PKHD1: variants seen among roughly 807,000 people sequenced by gnomAD.
PKHD1 encodes the protein PKHD1 ciliary IPT domain containing fibrocystin/polyductin.
A neutral mutation model predicts 412.0 loss-of-function variants in PKHD1; 291 were observed. The observed-to-expected ratio is 0.71, with a 90% CI of 0.64 to 0.78. The LOEUF (loss-of-function observed/expected upper bound fraction) is 0.78. Among genes scored for constraint, PKHD1 ranks in the 30% least tolerant of loss-of-function variants. The probability of loss-of-function intolerance (pLI) is 0.00; values close to 1 mark genes in which losing one functional copy is unlikely to be tolerated. For missense variants in PKHD1, 4,825 were observed against 4,950.7 expected (o/e 0.97, Z 0.76); for synonymous variants, 1,777 against 1,821.5 (o/e 0.98, Z 0.62).
At chr6:51,800,051 G>A (rs1276991982) in intron 52 of PKHD1, among the ~76,000 whole-genome samples, 2 of 152,128 alleles carry the variant, frequency 1.3e-5, no homozygotes, top group African/African-American at 2.4e-5. Context: ...GGTGGCTGAT[G>A]GGGGAGCTGA....
Position 52,050,234 on chromosome 6 carries a change from C to CTGTAG in PKHD1, c.2201_2202insCTACA (p.Val735TyrfsTer44). On this transcript the variant is annotated frameshift_variant, in exon 22 of 67. Transcript: ENST00000371117. LOFTEE classifies it high-confidence loss of function. The stretch of plus-strand genomic sequence containing the variant: ...CACTGTAGACCGGAGGGGATCCCAC[C>CTGTAG]ACAGAGACTGATTCCACCAGATTGC... The CTGTAG allele has an allele frequency of 6.2e-7, 1 of 1,614,190 alleles. No individual in the cohort carries two copies.
intron 18 of PKHD1, among the ~76,000 whole-genome samples, chr6:52,056,036 G>A (rs1430187355): frequency 6.6e-6 from 1 of 152,118 alleles, no homozygotes; most frequent in Non-Finnish European, 1.5e-5. Context: ...TTTGTTGTAG[G>A]GGCTGTCCTG....
rs201881567 is a variant in PKHD1, at chr6:51,883,179, A to C, written c.7264T>G (p.Cys2422Gly). 562 of 1,610,856 alleles carry C rather than the reference A, an allele frequency of 3.5e-4. 2 individuals are homozygous for C. Among genetic ancestry groups the C allele is most frequent in the Non-Finnish European group, 2.8e-4 (335 of 1,177,046 alleles). Reference sequence around the variant, plus strand: ...AAGACGTCAATTCCAAAATCTCTGCATGAATAAACTTTGAAGTTTTTCAGG... The same window carrying C: ...AAGACGTCAATTCCAAAATCTCTGCCTGAATAAACTTTGAAGTTTTTCAGG... Reference protein sequence around the residue: ...LRLKNFKVYSCRDFGIDVLES... With the variant: ...LRLKNFKVYSGRDFGIDVLES... The change falls in exon 46 of 67, where the codon TGC becomes GGC. Residue 2422 changes from cysteine (C) to glycine (G), a missense_variant. Transcript: ENST00000371117.
At chr6:51,799,347 C>T (rs2151311490) in intron 52 of PKHD1, among the ~76,000 whole-genome samples, 1 of 151,870 alleles carries the variant, frequency 6.6e-6, no homozygotes, top group East Asian at 1.9e-4. Context: ...TTTCCTTTCC[C>T]ATAATGTGAC....
At chr6:51,819,424 T>G (rs1404836417) in intron 52 of PKHD1, among the ~76,000 whole-genome samples, 1 of 152,226 alleles carries the variant, frequency 6.6e-6, no homozygotes, top group East Asian at 1.9e-4. Context: ...TTACCAGTAA[T>G]AGCTAATATC....
chr6:51,891,744 C>A (rs1352438400), intron 43 of PKHD1, among the ~76,000 whole-genome samples: 1 of 151,658 alleles, frequency 6.6e-6, no homozygotes, highest in Non-Finnish European at 1.5e-5. Context: ...CACACACACA[C>A]ACACATTCAG....
intron 53 of PKHD1, among the ~76,000 whole-genome samples, chr6:51,785,067 T>C (rs571513256): frequency 1.2e-4 from 18 of 152,336 alleles, no homozygotes; most frequent in Admixed American, 4.6e-4. Context: ...CAGGAATTGT[T>C]CACTACTGAA....
intron 46 of PKHD1, among the ~76,000 whole-genome samples, chr6:51,874,491 C>T (rs923853696): frequency 4.6e-5 from 7 of 151,996 alleles, no homozygotes; most frequent in Non-Finnish European, 1.0e-4. Flanking sequence ...TACAGGTATG[C>T]TTAAAGGAAA....
chr6:52,054,071 C>T lies in PKHD1; in HGVS notation c.1931G>A (p.Cys644Tyr), dbSNP rs577725149. ...GCTGGTCCTCGTGAGACTCCAGTCA[C>T]AGGTGGTATTCTTTACCATGTTTTG... is the stretch of plus-strand genomic sequence containing the variant. ...GFQNMVKNTT[C>Y]DWSLTRTSPE... The change falls in exon 20 of 67, where the codon TGT becomes TAT. Residue 644 changes from cysteine to tyrosine, a missense_variant. Cys to Tyr is a radical substitution (Grantham distance 194). Transcript: ENST00000371117. The T allele has an allele frequency of 6.2e-7, 1 of 1,613,974 alleles. No individual in the cohort carries two copies. The highest frequency in any genetic ancestry group is 1.3e-5 in the African/African-American group (1 of 75,046).
chr6:52,033,291 T>C, intron 28 of PKHD1, 126 bp from the exon 29 acceptor site: 1 of 765,398 alleles, frequency 1.3e-6, no homozygotes, highest in Non-Finnish European at 2.2e-6. Flanking sequence ...CTAAAGGGTA[T>C]ATTTCCTACT....
intron 66 of PKHD1, among the ~76,000 whole-genome samples, chr6:51,626,586 C>T (rs754779253): frequency 4.6e-5 from 7 of 152,130 alleles, no homozygotes; most frequent in Admixed American, 3.9e-4. Flanking sequence ...ACTCATTTGT[C>T]GAGGGTTCTG....
At chr6:52,022,018 C>T (rs1801465375) in intron 33 of PKHD1, among the ~76,000 whole-genome samples, 3 of 152,038 alleles carry the variant, frequency 2.0e-5, no homozygotes, top group African/African-American at 2.4e-5. Context: ...ATAAGGTAAT[C>T]ACCTGGCTAA....
chr6:51,923,252 T>C (rs1433149986), intron 37 of PKHD1, among the ~76,000 whole-genome samples: 2 of 152,182 alleles, frequency 1.3e-5, no homozygotes, highest in African/African-American at 2.4e-5. Context: ...AATTCTAGAC[T>C]GATTAAAATA....
In PKHD1 at chr6:52,035,666, T is replaced by C; in HGVS notation, c.3153A>G (p.Leu1051=). Residue 1051 remains leucine (L), a synonymous_variant, in exon 28 of 67, where the codon TTA becomes TTG. Coordinates refer to ENST00000371117, the MANE Select transcript of PKHD1 (RefSeq NM_138694.4). ...GSSLEGVSLI[L]FGSYSCAINV... ...TGATGGCACACGAGTAAGATCCAAA[T>C]AATATCAGGCTAACACCTTCCAAAC... The C allele has an allele frequency of 6.2e-7, 1 of 1,613,910 alleles. No individual in the cohort carries two copies. Among genetic ancestry groups the C allele is most frequent in the East Asian group, 2.2e-5 (1 of 44,866 alleles).
chr6:51,942,916 C>A (rs1045250356), intron 36 of PKHD1, among the ~76,000 whole-genome samples: 2 of 151,630 alleles, frequency 1.3e-5, no homozygotes, highest in African/African-American at 4.8e-5. Flanking sequence ...GGGGATTTGC[C>A]CCTGCCCAGG....
At chr6:51,643,997 G>A (rs1337936803) in intron 63 of PKHD1, among the ~76,000 whole-genome samples, 1 of 152,142 alleles carries the variant, frequency 6.6e-6, no homozygotes, top group East Asian at 1.9e-4. Context: ...ATTGAAAAGA[G>A]AGTGGGAAAA....
chr6:51,670,151 A>C (rs916771639), intron 60 of PKHD1, among the ~76,000 whole-genome samples: 36 of 146,034 alleles, frequency 2.5e-4, no homozygotes, highest in Non-Finnish European at 4.7e-4. Context: ...GTGGGGTGTT[A>C]AAGTCTCCCA....
At chr6:51,822,732 C>G (rs1010173315) in intron 52 of PKHD1, among the ~76,000 whole-genome samples, 14 of 152,164 alleles carry the variant, frequency 9.2e-5, no homozygotes, top group African/African-American at 2.9e-4. Context: ...TTATTATCCT[C>G]CCTGCTAAAC....
chr6:51,857,043 A>C (rs1347788149), intron 48 of PKHD1, among the ~76,000 whole-genome samples: 3 of 152,216 alleles, frequency 2.0e-5, no homozygotes, highest in Admixed American at 2.0e-4. Context: ...GCAATATGTG[A>C]GTATCACAAA....
Sources: allele counts gnomAD v4.1 joint callset (sites outside exome capture counted in the v4.1 genomes callset), GRCh38; gene constraint gnomAD v4.1.1; transcripts MANE v1.5; gene names NCBI Gene and HGNC (gene_info 2026-07-23, HGNC 2026-07-21).